The following VWC2 variants were observed in gnomAD, a reference collection of about 807,000 sequenced individuals.
VWC2 encodes the protein von Willebrand factor C domain containing 2.
VWC2 carries 14 observed loss-of-function variants against 29.8 expected under a neutral mutation model. The ratio of observed to expected loss-of-function variants is 0.47; its 90% CI spans 0.31 to 0.74. The LOEUF (loss-of-function observed/expected upper bound fraction) is 0.74, where lower values mean the gene tolerates loss of function less well. VWC2 is among the 30% of genes least tolerant of loss of function. The probability of loss-of-function intolerance (pLI) is 0.05; values close to 1 mark genes in which losing one functional copy is unlikely to be tolerated. For synonymous variants in VWC2, 213 were observed against 199.0 expected, an observed-to-expected ratio of 1.07 and a Z score of -0.59; for missense variants, 457 against 459.8, an observed-to-expected ratio of 0.99 and a Z score of 0.05.
At chr7:49,842,531 G>T (rs1414049046) in intron 3 of VWC2, among the ~76,000 whole-genome samples, 1 of 152,182 alleles carries the variant, frequency 6.6e-6, no homozygotes, top group East Asian at 1.9e-4. Flanking sequence ...GTAACTCAGT[G>T]ACACAACAGT....
chr7:49,879,064 A>G lies in VWC2; in HGVS notation c.827-32970A>G, dbSNP rs544070473. Among the ~76,000 whole-genome samples the G allele has an allele frequency of 1.1e-4, 17 of 152,200 alleles. No individual in the cohort carries two copies. In the East Asian group the frequency reaches 2.7e-3, roughly 24 times the overall value. On this transcript the variant is annotated intron_variant, in intron 3 of 3. Coordinates refer to ENST00000340652, the MANE Select transcript of VWC2 (RefSeq NM_198570.5). ...CTCCACTCCACTGGATGTTTTCTTAATATCCGGCAGTTCATTCCCTCAATC... is the reference window on the plus strand; with the variant it reads ...CTCCACTCCACTGGATGTTTTCTTAGTATCCGGCAGTTCATTCCCTCAATC...
intron 3 of VWC2, among the ~76,000 whole-genome samples, chr7:49,898,220 TAC>T (rs750250671): frequency 4.4e-4 from 67 of 152,092 alleles, no homozygotes; most frequent in African/African-American, 5.8e-4. Flanking sequence ...TATATGTATA[TAC>T]ACACACACAA....
intron 3 of VWC2, among the ~76,000 whole-genome samples, chr7:49,827,690 A>G (rs1251956048): frequency 6.6e-6 from 1 of 152,154 alleles, no homozygotes; most frequent in Non-Finnish European, 1.5e-5. Context: ...CATGTACAAG[A>G]GCAATTCTAA....
intron 3 of VWC2, among the ~76,000 whole-genome samples, chr7:49,814,221 G>A (rs927734441): frequency 6.6e-6 from 1 of 152,084 alleles, no homozygotes; most frequent in Non-Finnish European, 1.5e-5. Context: ...CAGTATCCCA[G>A]CCTCTGCAAT....
chr7:49,781,955 A>C (rs1331115195), intron 2 of VWC2, among the ~76,000 whole-genome samples: 2 of 152,190 alleles, frequency 1.3e-5, no homozygotes, highest in Admixed American at 1.3e-4. Flanking sequence ...CTAGATCCCA[A>C]GAGGCAGGTA....
At chr7:49,790,882 A>G (rs139707445) in intron 2 of VWC2, among the ~76,000 whole-genome samples, 3 of 152,020 alleles carry the variant, frequency 2.0e-5, no homozygotes, top group African/African-American at 7.3e-5. Flanking sequence ...AAAGGAAGAC[A>G]TCATTTTCCA....
intron 3 of VWC2, among the ~76,000 whole-genome samples, chr7:49,900,203 T>C (rs1056053583): frequency 4.6e-5 from 7 of 151,680 alleles, no homozygotes; most frequent in South Asian, 2.1e-4. Flanking sequence ...ATTTGTAGCA[T>C]TGAATGCATA....
At chr7:49,889,313 C>T (rs1037198991) in intron 3 of VWC2, among the ~76,000 whole-genome samples, 81 of 152,180 alleles carry the variant, frequency 5.3e-4, no homozygotes, top group African/African-American at 1.9e-3. Flanking sequence ...TTAAACTTGA[C>T]GGCATGTCAT....
chr7:49,773,942 G>T lies in VWC2; in HGVS notation c.-275G>T, dbSNP rs1225588046. On this transcript the variant is annotated 5_prime_UTR_variant, in exon 1 of 4. An upstream open reading frame in the 5' UTR loses its in-frame stop. Coordinates refer to ENST00000340652, the MANE Select transcript of VWC2 (RefSeq NM_198570.5). ...TGAGCGACTCCCCAGAGACGCCCTA[G>T]CCCGGTGTGCGCGCCAGGCGGAGCG... 1 of 152,102 alleles carries T rather than the reference G, an allele frequency of 6.6e-6. No individual in the cohort carries two copies. The highest frequency in any genetic ancestry group is 1.5e-5 in the Non-Finnish European group (1 of 68,032). 9.4% of individuals were successfully genotyped at this position (152,102 alleles called of 1,614,324 possible).
chr7:49,862,259 T>C (rs1428033351), intron 3 of VWC2, among the ~76,000 whole-genome samples: 1 of 152,168 alleles, frequency 6.6e-6, no homozygotes, highest in Non-Finnish European at 1.5e-5. Context: ...TCTCTTAAAT[T>C]TCTTTTCAAA....
chr7:49,870,277 G>A (rs1311637898), intron 3 of VWC2, among the ~76,000 whole-genome samples: 1 of 152,144 alleles, frequency 6.6e-6, no homozygotes, highest in Non-Finnish European at 1.5e-5. Flanking sequence ...GCGGGCGCCT[G>A]TAGTCCCAGC....
At position 49,821,247 on chromosome 7, in the gene VWC2, T is replaced by C. The variant is rs538744345; in HGVS notation, c.826+18407T>C. On this transcript the variant is annotated intron_variant, in intron 3 of 3. Coordinates refer to ENST00000340652, the MANE Select transcript of VWC2 (RefSeq NM_198570.5). ...AGTTTGCCCAGTCATTGTTGGAGGC[T>C]GCAGTAAACTCACTGGCCAGATACA... 7.9e-5 allele frequency among the ~76,000 whole-genome samples: 12 copies of C among 152,358 alleles called. 1 individual carries two copies. In the South Asian group the frequency reaches 1.0e-3, roughly 13 times the overall value.
At chr7:49,910,809 C>T (rs1793368306) in intron 3 of VWC2, among the ~76,000 whole-genome samples, 1 of 152,142 alleles carries the variant, frequency 6.6e-6, no homozygotes, top group Non-Finnish European at 1.5e-5. Flanking sequence ...TAAGATGGTG[C>T]TTCTCAAAGT....
intron 3 of VWC2, among the ~76,000 whole-genome samples, chr7:49,859,779 T>G (rs1477290972): frequency 8.3e-6 from 1 of 120,538 alleles, no homozygotes; most frequent in East Asian, 2.6e-4. Context: ...TGTCTTACAG[T>G]GCGCGTGCGT....
At chr7:49,776,229 C>A in intron 2 of VWC2, 98 bp downstream of exon 2, 1 of 1,125,476 alleles carries the variant, frequency 8.9e-7, no homozygotes, top group Non-Finnish European at 1.2e-6. Context: ...GAGGTGCTCT[C>A]TGGTTCTGAG....
At chr7:49,824,610 A>C (rs1290875711) in intron 3 of VWC2, among the ~76,000 whole-genome samples, 1 of 152,156 alleles carries the variant, frequency 6.6e-6, no homozygotes, top group Non-Finnish European at 1.5e-5. Context: ...ATTTTGGTTG[A>C]GTTTGCATTT....
At chr7:49,893,141 A>C (rs1438426026) in intron 3 of VWC2, among the ~76,000 whole-genome samples, 1 of 152,214 alleles carries the variant, frequency 6.6e-6, no homozygotes, top group Non-Finnish European at 1.5e-5. Context: ...TTTAGCCTTT[A>C]AAAATGGAGA....
chr7:49,792,049 A>G (rs972132406), intron 2 of VWC2, among the ~76,000 whole-genome samples: 2 of 152,220 alleles, frequency 1.3e-5, no homozygotes, highest in Non-Finnish European at 2.9e-5. Context: ...TACAGGCGTT[A>G]CTTCAAAATA....
intron 3 of VWC2, among the ~76,000 whole-genome samples, chr7:49,896,927 C>T (rs1478849086): frequency 2.1e-5 from 3 of 142,034 alleles, no homozygotes; most frequent in Non-Finnish European, 3.0e-5. Flanking sequence ...CTCGCTCTGT[C>T]GCCCAGGCCG....
Sources: gnomAD v4.1 joint callset for allele counts (sites outside exome capture counted in the v4.1 genomes callset) on GRCh38, gnomAD v4.1.1 for gene constraint, MANE v1.5 for transcripts, NCBI Gene and HGNC (gene_info 2026-07-23, HGNC 2026-07-21) for gene names.